Variants in LRRC1 observed in about 807,000 individuals in gnomAD.
The protein encoded by LRRC1 is leucine rich repeat containing 1, also known as leucine-rich repeat-containing protein 1.
In LRRC1, 28 loss-of-function variants were observed where a neutral mutation model predicts 69.9. The observed-to-expected ratio is 0.40, with a 90% CI of 0.30 to 0.55. The LOEUF is 0.55. Ranked by LOEUF, LRRC1 falls within the 20% of genes least tolerant of loss-of-function variation. LRRC1 has a pLI of 0.47. For missense variants in LRRC1, 498 were observed against 609.0 expected (o/e 0.82, Z 1.92); for synonymous variants, 236 against 240.2 (o/e 0.98, Z 0.16).
chr6:53,892,009 TATACACAC>T (rs1767716953), intron 4 of LRRC1, among the ~76,000 whole-genome samples: 11 of 74,564 alleles, frequency 1.5e-4, no homozygotes, highest in Non-Finnish European at 1.9e-4. Flanking sequence ...AATATATATA[TATACACAC>T]ACACACACAC....
chr6:53,817,621 G>A (rs3001003), intron 1 of LRRC1, among the ~76,000 whole-genome samples: 95,062 of 151,944 alleles, frequency 0.63, 30,049 homozygotes, highest in East Asian at 0.9. Flanking sequence ...GGAGATTATC[G>A]TTTCCCCATT....
intron 9 of LRRC1, among the ~76,000 whole-genome samples, chr6:53,903,902 A>T (rs970357272): frequency 2.6e-5 from 4 of 152,096 alleles, no homozygotes; most frequent in Non-Finnish European, 5.9e-5. Context: ...TCTGCTCCCC[A>T]CTCCAGGATG....
At chr6:53,840,850 A>G (rs1309613673) in intron 1 of LRRC1, among the ~76,000 whole-genome samples, 1 of 118,490 alleles carries the variant, frequency 8.4e-6, no homozygotes, top group Non-Finnish European at 1.7e-5. Flanking sequence ...TCCCTGCATC[A>G]TGTTTGTTTC....
intron 8 of LRRC1, among the ~76,000 whole-genome samples, chr6:53,901,960 C>T (rs1768070633): frequency 6.6e-6 from 1 of 152,144 alleles, no homozygotes; most frequent in Admixed American, 6.5e-5. Flanking sequence ...GTTAGCCACT[C>T]AGTAGAGAAT....
At chr6:53,920,816 A>C in intron 13 of LRRC1, 55 bp downstream of exon 13, 3 of 1,570,720 alleles carry the variant, frequency 1.9e-6, no homozygotes, top group Non-Finnish European at 2.6e-6. Flanking sequence ...AAAGATTAGA[A>C]TGGCACCTAA....
chr6:53,864,572 T>C (rs895574876), intron 2 of LRRC1, among the ~76,000 whole-genome samples: 1 of 152,144 alleles, frequency 6.6e-6, no homozygotes, highest in Non-Finnish European at 1.5e-5. Flanking sequence ...GGACAATTTA[T>C]TTAATGTTTC....
intron 1 of LRRC1, among the ~76,000 whole-genome samples, chr6:53,832,907 C>G (rs930557126): frequency 3.3e-5 from 5 of 151,856 alleles, no homozygotes; most frequent in African/African-American, 1.2e-4. Context: ...TTCTTTTTTC[C>G]CTTAACCCTA....
intron 11 of LRRC1, among the ~76,000 whole-genome samples, chr6:53,914,608 C>T (rs1768510030): frequency 6.6e-6 from 1 of 152,188 alleles, no homozygotes; most frequent in Admixed American, 6.5e-5. Flanking sequence ...CTAAAATATG[C>T]CTGTTCATCA....
rs557887407 is a variant in LRRC1, at chr6:53,834,971, TAATAATA to T, written c.160-7136_160-7130del. Among the ~76,000 whole-genome samples, 30 of 152,228 alleles carry T rather than the reference TAATAATA, an allele frequency of 2.0e-4. No individual in the cohort carries two copies. The South Asian group carries it at 4.4e-3, about 22-fold the overall frequency. ...AGCGAGACTCCGTCTCAAAAAATAA[TAATAATA>T]AAAATAAATAAATAAAAGTATCTGT... On this transcript the variant is annotated intron_variant, in intron 1 of 13. Coordinates refer to ENST00000370888, the MANE Select transcript of LRRC1 (RefSeq NM_018214.5).
intron 1 of LRRC1, among the ~76,000 whole-genome samples, chr6:53,837,154 A>G (rs1344602308): frequency 6.6e-6 from 1 of 151,844 alleles, no homozygotes; most frequent in African/African-American, 2.4e-5. Flanking sequence ...GTTTTGGGGT[A>G]TTATAAATAA....
At chr6:53,905,450 A>G (rs941653202) in intron 10 of LRRC1, 1 of 152,056 alleles carries the variant, frequency 6.6e-6, no homozygotes, top group Non-Finnish European at 1.5e-5. Flanking sequence ...TTTTATCAGC[A>G]ATAAAGCCTA....
intron 1 of LRRC1, among the ~76,000 whole-genome samples, chr6:53,813,801 A>G (rs1400592656): frequency 6.6e-6 from 1 of 152,008 alleles, no homozygotes; most frequent in Non-Finnish European, 1.5e-5. Flanking sequence ...TAGTCTTGAA[A>G]CACCTTGCCT....
chr6:53,818,290 A>G lies in LRRC1; in HGVS notation c.159+22875A>G, dbSNP rs560573336. On this transcript the variant is annotated intron_variant, in intron 1 of 13. Transcript: ENST00000370888. The stretch of plus-strand genomic sequence containing the variant: ...TCTTATCTATTAAAATTAAAAATCT[A>G]GCCTAATAATTCCAGTTCTGGCATT... Among the ~76,000 whole-genome samples, 7 of 152,326 alleles carry G rather than the reference A, an allele frequency of 4.6e-5. No individual in the cohort carries two copies. The East Asian group carries it at 1.2e-3, about 25-fold the overall frequency.
At position 53,909,528 on chromosome 6, in the gene LRRC1, A is replaced by AT. The variant is rs373317148; in HGVS notation, c.991-4318dup. On this transcript the variant is annotated intron_variant, in intron 10 of 13. Transcript: ENST00000370888. ...GATTATCCCTTTGTGGTAAGATTTG[A>AT]TTTTTTTTCATTGTGCTTTCCTGTG... Among the ~76,000 whole-genome samples the AT allele has an allele frequency of 7.3e-5, 11 of 150,254 alleles. No homozygotes were observed. In the East Asian group the frequency reaches 9.8e-4, roughly 13 times the overall value.
At chr6:53,849,072 T>C (rs537278614) in intron 2 of LRRC1, among the ~76,000 whole-genome samples, 236 of 150,888 alleles carry the variant, frequency 1.6e-3, no homozygotes, top group African/African-American at 5.5e-3. Flanking sequence ...TTTTTTTTTT[T>C]TTTTTTTTAG....
chr6:53,886,165 A>G (rs1767470420), intron 4 of LRRC1, among the ~76,000 whole-genome samples: 1 of 152,208 alleles, frequency 6.6e-6, no homozygotes, highest in Non-Finnish European at 1.5e-5. Flanking sequence ...CTCACATAAC[A>G]TCATCCATAG....
At chr6:53,907,876 T>C (rs1768290125) in intron 10 of LRRC1, among the ~76,000 whole-genome samples, 1 of 152,300 alleles carries the variant, frequency 6.6e-6, no homozygotes, top group South Asian at 2.1e-4. Flanking sequence ...CTGAAAGGCA[T>C]CATTTGGCAG....
chr6:53,805,482 C>T (rs1764612958), intron 1 of LRRC1, among the ~76,000 whole-genome samples: 1 of 152,144 alleles, frequency 6.6e-6, no homozygotes, highest in African/African-American at 2.4e-5. Flanking sequence ...CCACCTCAGT[C>T]TCTTCTACTG....
chr6:53,866,936 C>G (rs1766720742), intron 2 of LRRC1, among the ~76,000 whole-genome samples: 1 of 151,988 alleles, frequency 6.6e-6, no homozygotes, highest in Non-Finnish European at 1.5e-5. Flanking sequence ...TTCCCTTAGA[C>G]TGAGCTGCTG....
Sources: gnomAD v4.1 joint callset for allele counts (sites outside exome capture counted in the v4.1 genomes callset) on GRCh38, gnomAD v4.1.1 for gene constraint, MANE v1.5 for transcripts, NCBI Gene and HGNC (gene_info 2026-07-23, HGNC 2026-07-21) for gene names.